Variants in DYRK4 observed in about 807,000 individuals in gnomAD.
DYRK4 encodes dual specificity tyrosine-phosphorylation-regulated kinase 4.
A neutral mutation model predicts 68.3 loss-of-function variants in DYRK4; 64 were observed. The ratio of observed to expected loss-of-function variants is 0.94; its 90% CI spans 0.77 to 1.15. The LOEUF (loss-of-function observed/expected upper bound fraction) is 1.15, where lower values mean the gene tolerates loss of function less well. Ranked by LOEUF, DYRK4 falls within the 50% of genes most tolerant of loss-of-function variation. The pLI, the probability that DYRK4 is intolerant of heterozygous loss-of-function variation, is 0.00. For synonymous variants in DYRK4, 274 were observed against 289.9 expected, an observed-to-expected ratio of 0.95 and a Z score of 0.56; for missense variants, 740 against 764.7, an observed-to-expected ratio of 0.97 and a Z score of 0.38.
At chr12:4,568,238 G>A (rs919742007) in intron 2 of DYRK4, among the ~76,000 whole-genome samples, 190 bp downstream of exon 2, 1 of 152,190 alleles carries the variant, frequency 6.6e-6, no homozygotes, top group Non-Finnish European at 1.5e-5. Flanking sequence ...AGAAGGGCAA[G>A]GCCTTAATCT....
intron 10 of DYRK4, chr12:4,603,214 G>T: frequency 1.8e-6 from 2 of 1,097,382 alleles, no homozygotes; most frequent in Non-Finnish European, 2.8e-6. Context: ...GCAAAGATTT[G>T]TCAGGATCAG....
intron 1 of DYRK4, among the ~76,000 whole-genome samples, chr12:4,565,304 A>G (rs1184158255): frequency 6.6e-6 from 1 of 152,246 alleles, no homozygotes; most frequent in Non-Finnish European, 1.5e-5. Context: ...GAATTATCCA[A>G]GGGATGGCAA....
rs549198207 is a variant in DYRK4, at chr12:4,568,368, A to G, written c.132+320A>G. 1.2e-4 allele frequency among the ~76,000 whole-genome samples: 19 copies of G among 152,278 alleles called. 1 individual carries two copies. In the South Asian group the frequency reaches 2.5e-3, roughly 20 times the overall value. ...TGGAATAGTTGAAGAACGTTTCCAG[A>G]AAAGATCTGCTTTTTTTCTTTTTTT... On this transcript the variant is annotated intron_variant, in intron 2 of 14. Transcript: ENST00000543431.
chr12:4,600,136 G>A (rs746438302), intron 10 of DYRK4, among the ~76,000 whole-genome samples: 5 of 152,142 alleles, frequency 3.3e-5, no homozygotes, highest in Non-Finnish European at 5.9e-5. Flanking sequence ...AGAAGTCTGC[G>A]CTTCAGAAAC....
chr12:4,577,205 AT>A (rs949936572), intron 2 of DYRK4, among the ~76,000 whole-genome samples: 3 of 151,276 alleles, frequency 2.0e-5, no homozygotes, highest in East Asian at 1.9e-4. Context: ...GTCTAGATTA[AT>A]TTTTTTTTGT....
chr12:4,612,603 G>T lies in DYRK4; in HGVS notation c.1551G>T (p.Gln517His), dbSNP rs1454807225. Residue 517 changes from glutamine to histidine, a missense_variant, in exon 14 of 15, where the codon CAG (glutamine) becomes CAT (histidine). By Grantham distance (24) the Gln-to-His change is conservative. Transcript: ENST00000543431. ...CCCTCAAGCATGCTTGGATTCATCA[G>T]TCTCGGAACCTCAAGCCACAGCCCA... Reference protein sequence around the residue: ...DQALKHAWIHQSRNLKPQPRP... With the variant: ...DQALKHAWIHHSRNLKPQPRP... The T allele has an allele frequency of 1.9e-6, 3 of 1,614,210 alleles. No homozygotes were observed. The African/African-American group carries it at 4.0e-5, about 22-fold the overall frequency.
chr12:4,599,555 G>T lies in DYRK4; in HGVS notation c.1045-152G>T, dbSNP rs1023620281. On this transcript the variant is annotated intron_variant, in intron 9 of 14. Coordinates refer to ENST00000543431, the MANE Select transcript of DYRK4 (RefSeq NM_001394779.1). ...CACAAGTCAAATGGAAAGTCAGAGC[G>T]GAGGATGATGGGATTTTGGAGAGGA... The T allele has an allele frequency of 1.6e-5, 10 of 608,988 alleles. No individual in the cohort carries two copies. The East Asian group carries it at 2.5e-4, about 15-fold the overall frequency. 37.7% of individuals were successfully genotyped at this position (608,988 alleles called of 1,614,324 possible).
intron 1 of DYRK4, among the ~76,000 whole-genome samples, chr12:4,566,955 A>G (rs960034092): frequency 6.6e-6 from 1 of 152,226 alleles, no homozygotes; most frequent in Non-Finnish European, 1.5e-5. Flanking sequence ...ATATAGAATT[A>G]TATTACACAC....
At chr12:4,572,497 A>G (rs551815289) in intron 2 of DYRK4, among the ~76,000 whole-genome samples, 58 of 152,124 alleles carry the variant, frequency 3.8e-4, no homozygotes, top group Non-Finnish European at 7.2e-4. Context: ...GAGTTTCACC[A>G]TGTTAGCCAG....
Position 4,568,169 on chromosome 12 carries a change from G to A in DYRK4, c.132+121G>A, listed in dbSNP as rs916294371. On this transcript the variant is annotated intron_variant, in intron 2 of 14. Transcript: ENST00000543431. ...CTGGGTACAGCGCAAAGGCAAAGGT[G>A]TGGAGGATCATGCTGATTGGCAGGG... The A allele has an allele frequency of 2.3e-5, 21 of 916,216 alleles. No individual in the cohort carries two copies. The African/African-American group carries it at 3.0e-4, about 13-fold the overall frequency. 56.8% of individuals were successfully genotyped at this position (916,216 alleles called of 1,614,324 possible).
rs147564041 is a variant in DYRK4 at position 4,590,439 on chromosome 12, A to G, written c.323A>G (p.Gln108Arg). The G allele has an allele frequency of 8.2e-5, 126 of 1,535,686 alleles. No homozygotes were observed. The African/African-American group carries it at 1.6e-3, about 20-fold the overall frequency. The change falls in exon 4 of 15, where the codon CAG becomes CGG. Residue 108 changes from glutamine (Q) to arginine (R), a missense_variant and splice_region_variant. By Grantham distance (43) the Gln-to-Arg change is conservative. Coordinates refer to ENST00000543431, the MANE Select transcript of DYRK4 (RefSeq NM_001394779.1). ...KVLLKSSLLYQENQAHNQMPA... is the reference protein window; with the variant it reads ...KVLLKSSLLYRENQAHNQMPA... ...CTGCTGAAGTCATCCCTGCTGTATC[A>G]GGTGAGTGCAGACGGACTGGACCCT...
At chr12:4,568,408 G>T (rs953447607) in intron 2 of DYRK4, among the ~76,000 whole-genome samples, 1 of 151,128 alleles carries the variant, frequency 6.6e-6, no homozygotes, top group African/African-American at 2.4e-5. Flanking sequence ...TCTTTGAGAC[G>T]GAGTTTCACT....
chr12:4,590,151 T>G (rs921812159), intron 3 of DYRK4, 179 bp from the exon 4 acceptor site: 1 of 1,361,928 alleles, frequency 7.3e-7, no homozygotes, highest in Non-Finnish European at 9.4e-7. Context: ...ATGTGTTTGT[T>G]GACTCTGCTG....
chr12:4,605,988 A>G (rs1945145409), intron 11 of DYRK4, among the ~76,000 whole-genome samples: 1 of 152,132 alleles, frequency 6.6e-6, no homozygotes, highest in Admixed American at 6.5e-5. Flanking sequence ...CCCGATTAAA[A>G]TGTTGAAAAC....
chr12:4,602,599 G>T, intron 10 of DYRK4: 2 of 1,324,890 alleles, frequency 1.5e-6, no homozygotes, highest in Non-Finnish European at 2.2e-6. Flanking sequence ...ATCAATCTTT[G>T]CTGCAGAATC....
intron 9 of DYRK4, 176 bp from the exon 10 acceptor site, chr12:4,599,531 A>C (rs1463544348): frequency 1.7e-6 from 1 of 589,200 alleles, no homozygotes; most frequent in African/African-American, 1.9e-5. Flanking sequence ...AACGCCGACC[A>C]CAAGTCAAAT....
chr12:4,589,130 A>G, intron 3 of DYRK4, 113 bp downstream of exon 3: 4 of 893,586 alleles, frequency 4.5e-6, no homozygotes, highest in Non-Finnish European at 6.9e-6. Context: ...GTATCATAAC[A>G]TGATGACAGC....
chr12:4,570,062 A>G (rs143124663), intron 2 of DYRK4, among the ~76,000 whole-genome samples: 1 of 133,726 alleles, frequency 7.5e-6, no homozygotes, highest in African/African-American at 2.8e-5. Context: ...TAATAATAAT[A>G]ATAATAATAA....
At chr12:4,563,859 T>C (rs1388854179) in intron 1 of DYRK4, among the ~76,000 whole-genome samples, 2 of 152,230 alleles carry the variant, frequency 1.3e-5, no homozygotes, top group Non-Finnish European at 2.9e-5. Flanking sequence ...GAAATTTTGC[T>C]CAATATAGTT....
Sources: allele counts gnomAD v4.1 joint callset (sites outside exome capture counted in the v4.1 genomes callset), GRCh38; gene constraint gnomAD v4.1.1; transcripts MANE v1.5; gene names NCBI Gene and HGNC (gene_info 2026-07-23, HGNC 2026-07-21).